PRKG1: variants seen among roughly 807,000 people sequenced by gnomAD.
PRKG1 encodes protein kinase cGMP-dependent 1.
PRKG1 carries 35 observed loss-of-function variants against 88.1 expected under a neutral mutation model. That is an observed-to-expected ratio of 0.40 (90% CI 0.30 to 0.53). The LOEUF (loss-of-function observed/expected upper bound fraction) is 0.53, where lower values mean the gene tolerates loss of function less well. Ranked by LOEUF, PRKG1 falls within the 20% of genes least tolerant of loss-of-function variation. The pLI is 0.59. For synonymous variants in PRKG1, 303 were observed against 292.5 expected (o/e 1.04, Z -0.37); for missense variants, 540 against 839.8 (o/e 0.64, Z 4.41).
chr10:52,211,963 G>A lies in PRKG1; in HGVS notation c.1077-39607G>A, dbSNP rs541613480. 4.6e-5 allele frequency among the ~76,000 whole-genome samples: 7 copies of A among 152,240 alleles called. No homozygotes were observed. The East Asian group carries it at 9.6e-4, about 21-fold the overall frequency. ...TACCACTTACCTGAACATTGGTAGT[G>A]TGTTTTAATGCAAATTAACTTTTTT... is the stretch of plus-strand genomic sequence containing the variant. On this transcript the variant is annotated intron_variant, in intron 9 of 17. Transcript: ENST00000373980.
intron 3 of PRKG1, chr10:51,697,528 TAA>T (rs139403403): frequency 8.8e-5 from 53 of 605,062 alleles, no homozygotes; most frequent in South Asian, 1.2e-4. Context: ...CACCCTCAAT[TAA>T]AAAAAAAAGG....
intron 5 of PRKG1, among the ~76,000 whole-genome samples, chr10:52,015,076 C>G (rs1041931284): frequency 1.3e-5 from 2 of 152,208 alleles, no homozygotes; most frequent in Non-Finnish European, 2.9e-5. Context: ...CTTCTCACAG[C>G]TCTTCTAGGC....
chr10:51,153,777 T>C (rs1846137829), intron 2 of PRKG1, among the ~76,000 whole-genome samples: 12 of 152,020 alleles, frequency 7.9e-5, no homozygotes. Context: ...GTTTTTCATG[T>C]GTATGACAGA....
At position 51,057,207 on chromosome 10, in the gene PRKG1, T is replaced by C. The variant is rs1377975008; in HGVS notation, c.266+65563T>C. On this transcript the variant is annotated intron_variant, in intron 1 of 17. Coordinates refer to the PRKG1 transcript ENST00000401604. Reference sequence around the variant, plus strand: ...CCCAAGTCAGTTTTATGTAGATAATTCTATACCTGACATTTTGAGGTCAGG... The same window carrying C: ...CCCAAGTCAGTTTTATGTAGATAATCCTATACCTGACATTTTGAGGTCAGG... 2.6e-5 allele frequency among the ~76,000 whole-genome samples: 4 copies of C among 152,364 alleles called. No homozygotes were observed. The East Asian group carries it at 7.7e-4, about 29-fold the overall frequency.
chr10:51,473,669 G>A lies in PRKG1; in HGVS notation c.592+5833G>A, dbSNP rs187498059. On this transcript the variant is annotated intron_variant, in intron 3 of 17. Transcript: ENST00000373980. ...TTGAATATTCTCTATTTCTAAAGAA[G>A]AGTCAGACTTTAGCTGATAGAGTGT... Among the ~76,000 whole-genome samples, 296 of 151,866 alleles carry A rather than the reference G, an allele frequency of 1.9e-3. 1 individual carries two copies. The highest frequency in any genetic ancestry group is 3.6e-3 in the Non-Finnish European group (244 of 67,892).
intron 4 of PRKG1, among the ~76,000 whole-genome samples, chr10:51,851,612 T>C (rs974989756): frequency 2.0e-5 from 3 of 152,202 alleles, no homozygotes; most frequent in African/African-American, 7.2e-5. Flanking sequence ...TATTCCAAAA[T>C]TAATTTTAAA....
At chr10:51,637,064 T>C (rs1455611627) in intron 3 of PRKG1, among the ~76,000 whole-genome samples, 1 of 151,898 alleles carries the variant, frequency 6.6e-6, no homozygotes, top group African/African-American at 2.4e-5. Context: ...ACCTTCTCCA[T>C]AAAAAGTGAT....
chr10:51,281,952 A>C (rs769777439), intron 2 of PRKG1, among the ~76,000 whole-genome samples: 4 of 152,176 alleles, frequency 2.6e-5, no homozygotes, highest in Non-Finnish European at 5.9e-5. Flanking sequence ...AGCATTTTTC[A>C]TAGTGGTGCT....
intron 10 of PRKG1, among the ~76,000 whole-genome samples, chr10:52,266,787 A>T (rs1841581456): frequency 6.6e-6 from 1 of 152,036 alleles, no homozygotes; most frequent in Admixed American, 6.6e-5. Context: ...AAAAAAACAA[A>T]AAAAAAGGTT....
intron 1 of PRKG1, among the ~76,000 whole-genome samples, chr10:51,033,024 T>G (rs989644334): frequency 3.3e-5 from 5 of 152,164 alleles, no homozygotes; most frequent in African/African-American, 1.2e-4. Flanking sequence ...CTTCCCTAAC[T>G]ACTCTGCTTT....
At chr10:51,682,126 T>C (rs986152912) in intron 3 of PRKG1, among the ~76,000 whole-genome samples, 1 of 152,184 alleles carries the variant, frequency 6.6e-6, no homozygotes, top group African/African-American at 2.4e-5. Flanking sequence ...ACCATTTCTA[T>C]TGGTTTTTCT....
intron 9 of PRKG1, among the ~76,000 whole-genome samples, chr10:52,171,761 AT>A (rs1838684714): frequency 1.5e-4 from 23 of 149,722 alleles, no homozygotes; most frequent in Middle Eastern, 3.4e-3. Flanking sequence ...TCGGCCTTGA[AT>A]AGAAGTATTT....
intron 8 of PRKG1, among the ~76,000 whole-genome samples, chr10:52,143,894 A>G (rs976885205): frequency 6.6e-6 from 1 of 152,206 alleles, no homozygotes; most frequent in Non-Finnish European, 1.5e-5. Flanking sequence ...GGATCCAGAG[A>G]TATAAAGGTG....
At chr10:52,283,595 C>T (rs1450656056) in intron 14 of PRKG1, among the ~76,000 whole-genome samples, 1 of 152,048 alleles carries the variant, frequency 6.6e-6, no homozygotes, top group Non-Finnish European at 1.5e-5. Flanking sequence ...TAAAGTTTCT[C>T]TATTGACTTC....
intron 4 of PRKG1, among the ~76,000 whole-genome samples, chr10:51,847,792 A>G (rs573260639): frequency 1.5e-5 from 2 of 129,728 alleles, no homozygotes; most frequent in South Asian, 5.6e-4. Context: ...GCTTGAACCC[A>G]GGAGTTTGAG....
chr10:52,009,595 G>A (rs1844830170), intron 5 of PRKG1, among the ~76,000 whole-genome samples: 1 of 152,060 alleles, frequency 6.6e-6, no homozygotes, highest in African/African-American at 2.4e-5. Flanking sequence ...TGGCCATACT[G>A]CCCAAAGGAA....
At chr10:51,648,611 C>A (rs754198871) in intron 3 of PRKG1, among the ~76,000 whole-genome samples, 4 of 152,050 alleles carry the variant, frequency 2.6e-5, no homozygotes, top group Non-Finnish European at 5.9e-5. Flanking sequence ...CCTGCTGGAC[C>A]TAGAGTGGCT....
intron 7 of PRKG1, among the ~76,000 whole-genome samples, chr10:52,088,510 G>T (rs1846972591): frequency 6.6e-6 from 1 of 152,004 alleles, no homozygotes; most frequent in Admixed American, 6.6e-5. Context: ...GGTGTGAAAG[G>T]GCTGGAGGAA....
intron 2 of PRKG1, among the ~76,000 whole-genome samples, chr10:51,409,347 A>G (rs1462904832): frequency 1.3e-5 from 2 of 152,124 alleles, no homozygotes; most frequent in Non-Finnish European, 2.9e-5. Context: ...CAACTTCTTC[A>G]TGTAACTTAC....
Sources: gnomAD v4.1 joint callset for allele counts (sites outside exome capture counted in the v4.1 genomes callset) on GRCh38, gnomAD v4.1.1 for gene constraint, MANE v1.5 for transcripts, NCBI Gene and HGNC (gene_info 2026-07-23, HGNC 2026-07-21) for gene names.